Variants in FRMPD4 observed in about 807,000 individuals in gnomAD.
FRMPD4 encodes FERM and PDZ domain containing 4, also known as FERM and PDZ domain-containing protein 4.
A neutral mutation model predicts 94.1 loss-of-function variants in FRMPD4; 22 were observed. That is an observed-to-expected ratio of 0.23 (90% confidence interval 0.17 to 0.33). The LOEUF is 0.33. FRMPD4 is among the 10% of genes least tolerant of loss of function. FRMPD4 has a pLI of 1.00. For synonymous variants in FRMPD4, 631 were observed against 548.6 expected, an observed-to-expected ratio of 1.15 and a Z score of -2.10; for missense variants, 1,111 against 1,339.9, an observed-to-expected ratio of 0.83 and a Z score of 2.67.
chrX:12,357,851 A>G (rs773735042), intron 1 of FRMPD4, among the ~76,000 whole-genome samples: 8 of 112,074 alleles, frequency 7.1e-5, no homozygotes, highest in South Asian at 7.5e-4. Context: ...AAGCATCACC[A>G]TAATCACATT....
intron 3 of FRMPD4, among the ~76,000 whole-genome samples, chrX:12,101,477 C>G (rs764597991): frequency 8.9e-6 from 1 of 111,966 alleles, no homozygotes; most frequent in Non-Finnish European, 1.9e-5. Flanking sequence ...CATGGTTGCT[C>G]TTCAGAGCAT....
chrX:12,012,256 A>C (rs2054584919), intron 3 of FRMPD4, among the ~76,000 whole-genome samples: 1 of 111,322 alleles, frequency 9.0e-6, no homozygotes, highest in African/African-American at 3.3e-5. Context: ...CCTCCAGTAC[A>C]ATGTTGAATA....
intron 3 of FRMPD4, among the ~76,000 whole-genome samples, chrX:12,020,683 A>G (rs1455720406): frequency 1.8e-5 from 2 of 112,141 alleles, no homozygotes; most frequent in Non-Finnish European, 3.8e-5. Flanking sequence ...AGGAAATTGC[A>G]CGAGAACAAA....
At chrX:12,064,255 C>A (rs905740749) in intron 3 of FRMPD4, among the ~76,000 whole-genome samples, 1 of 112,403 alleles carries the variant, frequency 8.9e-6, no homozygotes, top group Admixed American at 9.4e-5. Context: ...ACTGACATTG[C>A]ACAAATGATA....
At chrX:12,603,927 T>C (rs2148409847) in intron 2 of FRMPD4, among the ~76,000 whole-genome samples, 1 of 109,994 alleles carries the variant, frequency 9.1e-6, no homozygotes, top group East Asian at 2.8e-4. Context: ...GAGACGGGGG[T>C]TGATTATTTT....
At chrX:12,015,506 C>A (rs1224011115) in intron 3 of FRMPD4, among the ~76,000 whole-genome samples, 1 of 111,775 alleles carries the variant, frequency 8.9e-6, no homozygotes, top group East Asian at 2.8e-4. Context: ...GTAATTGTTT[C>A]TTTTGTGTCT....
chrX:12,084,908 C>T (rs151057208), intron 3 of FRMPD4, among the ~76,000 whole-genome samples: 720 of 111,473 alleles, frequency 6.5e-3, no homozygotes, highest in Non-Finnish European at 6.8e-3. Flanking sequence ...TTTGGTAGAG[C>T]GAGAAAAGTG....
intron 2 of FRMPD4, among the ~76,000 whole-genome samples, chrX:12,561,296 C>T (rs944061232): frequency 8.9e-6 from 1 of 112,337 alleles, no homozygotes; most frequent in Non-Finnish European, 1.9e-5. Context: ...CCCATTGAAT[C>T]CCATGTTCAC....
At chrX:12,565,943 C>A (rs1426379777) in intron 2 of FRMPD4, among the ~76,000 whole-genome samples, 1 of 111,787 alleles carries the variant, frequency 8.9e-6, no homozygotes, top group African/African-American at 3.3e-5. Context: ...CTCATTTGTT[C>A]TAAAGCACAA....
intron 3 of FRMPD4, among the ~76,000 whole-genome samples, chrX:11,905,259 T>C (rs1449686918): frequency 9.0e-6 from 1 of 111,591 alleles, no homozygotes; most frequent in African/African-American, 3.3e-5. Context: ...CTTCCTTCCC[T>C]GAATGTGATT....
At chrX:12,702,833 C>T (rs1441052507) in intron 10 of FRMPD4, among the ~76,000 whole-genome samples, 1 of 112,257 alleles carries the variant, frequency 8.9e-6, no homozygotes. Flanking sequence ...TCACTCCTTC[C>T]AGATGCTTTC....
At chrX:12,363,579 C>G (rs772691522) in intron 1 of FRMPD4, among the ~76,000 whole-genome samples, 1 of 112,510 alleles carries the variant, frequency 8.9e-6, no homozygotes, top group East Asian at 2.8e-4. Flanking sequence ...AAGCCACCAT[C>G]AGAGACCAGG....
At chrX:12,320,697 G>A (rs760565800) in intron 1 of FRMPD4, among the ~76,000 whole-genome samples, 1 of 111,541 alleles carries the variant, frequency 9.0e-6, no homozygotes, top group South Asian at 3.8e-4. Context: ...ATCAGCATAT[G>A]CTTTCTTAAT....
intron 2 of FRMPD4, among the ~76,000 whole-genome samples, chrX:12,522,814 A>C (rs1485533144): frequency 9.0e-6 from 1 of 110,530 alleles, no homozygotes; most frequent in Non-Finnish European, 1.9e-5. Flanking sequence ...TGTTGGCCAG[A>C]ATGGGCTGGA....
intron 1 of FRMPD4, among the ~76,000 whole-genome samples, chrX:12,209,146 A>G (rs998734391): frequency 7.1e-5 from 8 of 112,099 alleles, no homozygotes; most frequent in Middle Eastern, 5.0e-3. Context: ...TCCGTCTTGA[A>G]TCAATATATA....
At chrX:11,917,110 A>T (rs2054028922) in intron 3 of FRMPD4, among the ~76,000 whole-genome samples, 1 of 112,639 alleles carries the variant, frequency 8.9e-6, no homozygotes. Flanking sequence ...AAAAGAAGAC[A>T]TAAAAGTGGC....
At chrX:11,829,625 T>C (rs2053463924) in intron 1 of FRMPD4, among the ~76,000 whole-genome samples, 1 of 111,546 alleles carries the variant, frequency 9.0e-6, no homozygotes, top group African/African-American at 3.3e-5. Context: ...GTGTCCTGCT[T>C]CATAAGTCTA....
intron 1 of FRMPD4, among the ~76,000 whole-genome samples, chrX:12,178,313 G>C (rs1419520551): frequency 9.0e-6 from 1 of 111,492 alleles, no homozygotes; most frequent in Non-Finnish European, 1.9e-5. Flanking sequence ...AAAGTATTTT[G>C]TTATAGCAGC....
rs1285857943 is a variant in FRMPD4 at position 12,640,975 on chromosome X, C to A, written c.422+26094C>A. Among the ~76,000 whole-genome samples, 3 of 111,247 alleles carry A rather than the reference C, an allele frequency of 2.7e-5. No individual in the cohort carries two copies. The Admixed American group carries it at 2.9e-4, about 11-fold the overall frequency. On this transcript the variant is annotated intron_variant, in intron 4 of 16. Transcript: ENST00000675598. ...AGGTGGGAGGATCACTTGAGCCCAG[C>A]AATTCAAGGCCAGATTGGGCAACAT...
Sources: allele counts gnomAD v4.1 joint callset (sites outside exome capture counted in the v4.1 genomes callset), GRCh38; gene constraint gnomAD v4.1.1; transcripts MANE v1.5; gene names NCBI Gene and HGNC (gene_info 2026-07-23, HGNC 2026-07-21).